The following PCDHGA6 variants were observed in gnomAD, a reference collection of about 807,000 sequenced individuals.
PCDHGA6 encodes the protein protocadherin gamma subfamily A, 6, also known as protocadherin gamma-A6.
A neutral mutation model predicts 60.6 loss-of-function variants in PCDHGA6; 41 were observed. That is an observed-to-expected ratio of 0.68 (90% CI 0.53 to 0.88). The LOEUF (loss-of-function observed/expected upper bound fraction) is 0.88, where lower values mean the gene tolerates loss of function less well. Ranked by LOEUF, PCDHGA6 falls within the 40% of genes least tolerant of loss-of-function variation. The pLI is 0.00. For missense variants in PCDHGA6, 1,312 were observed against 1,203.0 expected, an observed-to-expected ratio of 1.09 and a Z score of -1.34; for synonymous variants, 594 against 524.4, an observed-to-expected ratio of 1.13 and a Z score of -1.81.
chr5:141,402,071 A>G, intron 1 of PCDHGA6, among the ~76,000 whole-genome samples: 2 of 152,340 alleles, frequency 1.3e-5, no homozygotes, highest in Middle Eastern at 3.4e-3. Context: ...AAAACTAAGC[A>G]TTTTTGAAAT....
chr5:141,415,755 T>G (rs753465209), intron 1 of PCDHGA6: 41 of 1,387,576 alleles, frequency 3.0e-5, no homozygotes, highest in Middle Eastern at 2.6e-4. Flanking sequence ...TTTTTTTTTT[T>G]TTTTTTTTTT....
chr5:141,379,805 G>T (rs183993206), intron 1 of PCDHGA6, among the ~76,000 whole-genome samples: 71 of 149,374 alleles, frequency 4.8e-4, no homozygotes, highest in African/African-American at 1.7e-3. Flanking sequence ...GAGGTTTTGA[G>T]AGTTCAGTAT....
Position 141,409,459 on chromosome 5 carries a change from T to C in PCDHGA6, c.2424+32952T>C, listed in dbSNP as rs139792503. On this transcript the variant is annotated intron_variant, in intron 1 of 3. Coordinates refer to ENST00000517434, the MANE Select transcript of PCDHGA6 (RefSeq NM_018919.3). ...ACCGAGAGCAGACACCAGAATACAA[T>C]GTCACCATCGTAGCCACTGACAGGG... 4.9e-3 allele frequency: 7,986 copies of C among 1,613,950 alleles called. 44 individuals are homozygous for C. The highest frequency in any genetic ancestry group is 9.4e-3 in the Admixed American group (567 of 60,028).
At chr5:141,414,844 C>T (rs769714220) in intron 1 of PCDHGA6, 3 of 1,614,216 alleles carry the variant, frequency 1.9e-6, no homozygotes, top group South Asian at 2.2e-5. Flanking sequence ...CCTGTTTGTG[C>T]TGGACCAGAA....
chr5:141,465,312 A>G (rs2099100692), intron 1 of PCDHGA6, among the ~76,000 whole-genome samples: 1 of 152,314 alleles, frequency 6.6e-6, no homozygotes, highest in South Asian at 2.1e-4. Flanking sequence ...GAATTTAGCC[A>G]TGTCAATGCA....
chr5:141,497,492 C>G (rs954582026), intron 2 of PCDHGA6, among the ~76,000 whole-genome samples: 1 of 151,628 alleles, frequency 6.6e-6, no homozygotes, highest in Non-Finnish European at 1.5e-5. Flanking sequence ...ACCTCTCTCT[C>G]TCTCCTCTCT....
Position 141,397,950 on chromosome 5 carries a change from G to T in PCDHGA6, c.2424+21443G>T, listed in dbSNP as rs142142786. 7.7e-4 allele frequency: 722 copies of T among 938,408 alleles called. 6 individuals carry two copies. The African/African-American group carries it at 0.01, about 13-fold the overall frequency. 58.1% of individuals were successfully genotyped at this position (938,408 alleles called of 1,614,324 possible). A position where few individuals can be genotyped will look rare whatever the true frequency, so the allele number is the denominator to read the frequency against. On this transcript the variant is annotated intron_variant, in intron 1 of 3. Transcript: ENST00000517434. ...CAGCCGCAGCGCGCTTTCCAGGGCA[G>T]CCCCAGCTCAGACTCCCCAGCGCCG... is the stretch of plus-strand genomic sequence containing the variant.
In PCDHGA6 at chr5:141,491,492, T is replaced by G. The variant is rs763487622; in HGVS notation, c.2425-3315T>G. On this transcript the variant is annotated intron_variant, in intron 1 of 3. Coordinates refer to ENST00000517434, the MANE Select transcript of PCDHGA6 (RefSeq NM_018919.3). This position sits in a 1 kb window ranked among gnomAD's most constrained non-coding sequence, Gnocchi z 6.9. ...AAGCAGTCCAGCCCCAACCTGCAGG[T>G]GAGCTCGGACGGCACGCTCAAGTAC... 3.1e-6 allele frequency: 5 copies of G among 1,614,024 alleles called. No homozygotes were observed. The highest frequency in any genetic ancestry group is 3.4e-6 in the Non-Finnish European group (4 of 1,180,006).
chr5:141,397,200 G>A (rs2093487150), intron 1 of PCDHGA6, among the ~76,000 whole-genome samples: 1 of 152,154 alleles, frequency 6.6e-6, no homozygotes, highest in Non-Finnish European at 1.5e-5. Context: ...TAAAAGATAT[G>A]ACATAAGAGA....
intron 1 of PCDHGA6, chr5:141,399,924 G>A: frequency 6.2e-7 from 1 of 1,612,346 alleles, no homozygotes; most frequent in Non-Finnish European, 8.5e-7. Context: ...ACAACGCCTG[G>A]CTGTCCTACC....
intron 1 of PCDHGA6, among the ~76,000 whole-genome samples, chr5:141,397,615 C>A (rs2093545668): frequency 6.6e-6 from 1 of 152,144 alleles, no homozygotes; most frequent in Admixed American, 6.5e-5. Context: ...AAGGGCAATA[C>A]TTAGTTCTAG....
intron 1 of PCDHGA6, among the ~76,000 whole-genome samples, chr5:141,439,132 G>C (rs1180893484): frequency 6.6e-6 from 1 of 151,054 alleles, no homozygotes; most frequent in African/African-American, 2.4e-5. Context: ...GACAGAGGTT[G>C]CAGTGAGCTG....
At chr5:141,473,236 A>G (rs1314160781) in intron 1 of PCDHGA6, among the ~76,000 whole-genome samples, 1 of 152,200 alleles carries the variant, frequency 6.6e-6, no homozygotes, top group Non-Finnish European at 1.5e-5. Flanking sequence ...GGATCCACAC[A>G]AGTGAATACA....
intron 1 of PCDHGA6, chr5:141,404,892 A>G (rs2094580163): frequency 1.2e-6 from 2 of 1,613,880 alleles, no homozygotes; most frequent in African/African-American, 1.3e-5. Flanking sequence ...GTGGCTGTAC[A>G]GGACCATGGC....
chr5:141,499,012 G>GGAAGGAAT, intron 2 of PCDHGA6, among the ~76,000 whole-genome samples: 1 of 147,618 alleles, frequency 6.8e-6, no homozygotes. Context: ...AAGGAAGGAA[G>GGAAGGAAT]GAAGGAAGGA....
Position 141,485,549 on chromosome 5 carries a change from G to A in PCDHGA6, c.2425-9258G>A. 6.2e-7 allele frequency: 1 copy of A among 1,614,030 alleles called. No homozygotes were observed. The highest frequency in any genetic ancestry group is 1.1e-5 in the South Asian group (1 of 91,068). On this transcript the variant is annotated intron_variant, in intron 1 of 3. Transcript: ENST00000517434. The surrounding 1 kb of genome is among the most constrained non-coding windows in gnomAD (Gnocchi z 5.7). ...CCGAGCAGAGGTAGAGATCGTAGATGTGAATGATCACGCCCCCCGTTTTCC... is the reference window on the plus strand; with the variant it reads ...CCGAGCAGAGGTAGAGATCGTAGATATGAATGATCACGCCCCCCGTTTTCC...
At position 141,491,305 on chromosome 5, in the gene PCDHGA6, G is replaced by T. The variant is rs1461861151; in HGVS notation, c.2425-3502G>T. 6.2e-7 allele frequency: 1 copy of T among 1,614,176 alleles called. No homozygotes were observed. Among genetic ancestry groups the T allele is most frequent in the African/African-American group, 1.3e-5 (1 of 75,048 alleles). ...CCTCATACACCCTCCTGAGCGTTCA[G>T]ACCTTACCCTTTACCTCATTGTGGC... On this transcript the variant is annotated intron_variant, in intron 1 of 3. Coordinates refer to ENST00000517434, the MANE Select transcript of PCDHGA6 (RefSeq NM_018919.3). This position sits in a 1 kb window ranked among gnomAD's most constrained non-coding sequence, Gnocchi z 6.9.
At chr5:141,404,289 A>T in intron 1 of PCDHGA6, 1 of 1,614,006 alleles carries the variant, frequency 6.2e-7, no homozygotes. Context: ...ACTGACATCA[A>T]TGATAATCCA....
intron 1 of PCDHGA6, chr5:141,408,089 G>C: frequency 7.0e-7 from 1 of 1,424,386 alleles, no homozygotes; most frequent in Non-Finnish European, 9.2e-7. Flanking sequence ...ACAGCGGATT[G>C]CCAGCTCCGA....
Sources: allele counts gnomAD v4.1 joint callset (sites outside exome capture counted in the v4.1 genomes callset), GRCh38; gene constraint gnomAD v4.1.1; non-coding constraint Gnocchi (gnomAD v3.1); transcripts MANE v1.5; gene names NCBI Gene and HGNC (gene_info 2026-07-23, HGNC 2026-07-21).